The following LGSN variants were observed in gnomAD, a reference collection of about 807,000 sequenced individuals.
LGSN encodes lengsin.
A neutral mutation model predicts 19.5 loss-of-function variants in LGSN; 21 were observed. That is an observed-to-expected ratio of 1.07 (90% CI 0.76 to 1.55). The LOEUF is 1.55. Among genes scored for constraint, LGSN ranks in the 40% most tolerant of loss-of-function variants. The probability of loss-of-function intolerance (pLI) is 0.00; values close to 1 mark genes in which losing one functional copy is unlikely to be tolerated. For synonymous variants in LGSN, 257 were observed against 215.6 expected (o/e 1.19, Z -1.68); for missense variants, 673 against 608.5 (o/e 1.11, Z -1.12).
chr6:63,531,926 G>C, the LGSN span, among the ~76,000 whole-genome samples: 1,325 of 151,130 alleles, frequency 8.8e-3, 22 homozygotes, highest in African/African-American at 0.031. Flanking sequence ...TCAGCCTCCC[G>C]AGTAGCTGGA....
chr6:63,373,674 A>T, the LGSN span, among the ~76,000 whole-genome samples: 2 of 152,116 alleles, frequency 1.3e-5, no homozygotes. Flanking sequence ...TCTTTTGCTA[A>T]AAAAGGGCAT....
At chr6:63,412,509 AGAAAGAAAGAAAGAAAGAAG>A in the LGSN span, among the ~76,000 whole-genome samples, 34 of 116,962 alleles carry the variant, frequency 2.9e-4, no homozygotes, top group Admixed American at 1.1e-3. Context: ...AAAGAAAGAA[AGAAAGAAAGAAAGAAAGAAG>A]GAAAGAAAGA....
At chr6:63,471,316 T>C in the LGSN span, among the ~76,000 whole-genome samples, 2 of 151,394 alleles carry the variant, frequency 1.3e-5, no homozygotes, top group Non-Finnish European at 2.9e-5. Flanking sequence ...ATGTATAATA[T>C]TGGGAAGAGA....
chr6:63,359,143 T>C, the LGSN span, among the ~76,000 whole-genome samples: 1 of 152,188 alleles, frequency 6.6e-6, no homozygotes, highest in Non-Finnish European at 1.5e-5. Context: ...ATTTATTGAT[T>C]TGCATATGTT....
At chr6:63,352,887 A>G in the LGSN span, among the ~76,000 whole-genome samples, 1 of 151,980 alleles carries the variant, frequency 6.6e-6, no homozygotes. Flanking sequence ...TATGACCTCA[A>G]TTACTGGAGT....
chr6:63,370,079 C>CA, the LGSN span, among the ~76,000 whole-genome samples: 1 of 152,116 alleles, frequency 6.6e-6, no homozygotes, highest in Admixed American at 6.6e-5. Context: ...CAGGTATTTG[C>CA]AACATGGAGA....
At chr6:63,343,447 A>G in the LGSN span, among the ~76,000 whole-genome samples, 3 of 152,190 alleles carry the variant, frequency 2.0e-5, no homozygotes, top group Non-Finnish European at 4.4e-5. Flanking sequence ...ACAATTTTTC[A>G]ACTTATAAAT....
At chr6:63,287,883 C>G (rs1240689314) in intron 2 of LGSN, among the ~76,000 whole-genome samples, 2 of 151,932 alleles carry the variant, frequency 1.3e-5, no homozygotes, top group East Asian at 1.9e-4. Context: ...ATCTGTGTCT[C>G]CTAAACTTTC....
chr6:63,484,086 C>T, the LGSN span, among the ~76,000 whole-genome samples: 1 of 151,970 alleles, frequency 6.6e-6, no homozygotes, highest in Non-Finnish European at 1.5e-5. Context: ...CCCAGGAGTT[C>T]GAGGTTACAG....
At chr6:63,327,953 C>A in the LGSN span, among the ~76,000 whole-genome samples, 1 of 152,234 alleles carries the variant, frequency 6.6e-6, no homozygotes, top group African/African-American at 2.4e-5. Flanking sequence ...AACTCCATAA[C>A]TTCCCTGTGG....
At chr6:63,313,140 A>AAAAT (rs891493881) in intron 1 of LGSN, among the ~76,000 whole-genome samples, 17 of 152,328 alleles carry the variant, frequency 1.1e-4, no homozygotes, top group Admixed American at 2.0e-4. Context: ...GTGCACAGTA[A>AAAAT]AAATAAATAA....
chr6:63,426,703 C>T, the LGSN span, among the ~76,000 whole-genome samples: 34 of 152,134 alleles, frequency 2.2e-4, no homozygotes, highest in African/African-American at 8.0e-4. Flanking sequence ...TCAGTAGAGA[C>T]AGGATTTTGC....
chr6:63,327,173 G>A, the LGSN span, among the ~76,000 whole-genome samples: 51 of 152,296 alleles, frequency 3.3e-4, 1 homozygote, highest in African/African-American at 9.6e-4. Flanking sequence ...CCAGTGGGTC[G>A]GTCCAGGGGT....
intron 2 of LGSN, among the ~76,000 whole-genome samples, chr6:63,288,222 A>C (rs1004877697): frequency 7.1e-6 from 1 of 140,040 alleles, no homozygotes; most frequent in Non-Finnish European, 1.5e-5. Context: ...GTGAGACTCC[A>C]TCTCAAAAAA....
the LGSN span, among the ~76,000 whole-genome samples, chr6:63,383,281 T>A: frequency 7.7e-3 from 1,173 of 151,788 alleles, 12 homozygotes; most frequent in African/African-American, 0.026. Flanking sequence ...ATTTTTTTTT[T>A]AAAACTTTCT....
the LGSN span, among the ~76,000 whole-genome samples, chr6:63,423,762 G>A: frequency 6.6e-6 from 1 of 152,112 alleles, no homozygotes; most frequent in Non-Finnish European, 1.5e-5. Flanking sequence ...AACTGACCAG[G>A]CATGATGGCT....
chr6:63,567,868 C>T, the LGSN span, among the ~76,000 whole-genome samples: 1 of 152,228 alleles, frequency 6.6e-6, no homozygotes, highest in East Asian at 1.9e-4. Flanking sequence ...GCTTCTCCAT[C>T]AGCACTTACT....
chr6:63,331,008 G>A, the LGSN span, among the ~76,000 whole-genome samples: 1 of 152,150 alleles, frequency 6.6e-6, no homozygotes, highest in Admixed American at 6.5e-5. Context: ...GAGGGAGAAG[G>A]GGACAGGTAC....
chr6:63,296,999 G>GA lies in LGSN; in HGVS notation c.31-1955dup, dbSNP rs532498032. The stretch of plus-strand genomic sequence containing the variant: ...CCGATCAAAAGAGAAAGTTTCTTAA[G>GA]AAAAAAAAAAAATTTACCTAGTTAC... On this transcript the variant is annotated intron_variant, in intron 1 of 3. Transcript: ENST00000370657. Among the ~76,000 whole-genome samples, 109 of 142,904 alleles carry GA rather than the reference G, an allele frequency of 7.6e-4. No homozygotes were observed. In the East Asian group the frequency reaches 0.012, roughly 16 times the overall value. The allele number at this position is 142,904 out of a possible 152,430, so 93.8% of individuals were successfully genotyped here. A position where few individuals can be genotyped will look rare whatever the true frequency, so the allele number is the denominator to read the frequency against.
Sources: gnomAD v4.1 joint callset for allele counts (sites outside exome capture counted in the v4.1 genomes callset) on GRCh38, gnomAD v4.1.1 for gene constraint, MANE v1.5 for transcripts, NCBI Gene and HGNC (gene_info 2026-07-23, HGNC 2026-07-21) for gene names.